CEP57: variants seen among roughly 807,000 people sequenced by gnomAD.
CEP57 encodes centrosomal protein 57.
Under a neutral mutation model 68.0 loss-of-function variants are expected in CEP57, and 40 were observed. The observed-to-expected ratio is 0.59, with a 90% confidence interval of 0.46 to 0.77. The LOEUF (loss-of-function observed/expected upper bound fraction) is 0.77. CEP57 is among the 30% of genes least tolerant of loss of function. The probability of loss-of-function intolerance (pLI) is 0.00; values close to 1 mark genes in which losing one functional copy is unlikely to be tolerated. For synonymous variants in CEP57, 219 were observed against 198.7 expected (o/e 1.10, Z -0.86); for missense variants, 606 against 580.7 (o/e 1.04, Z -0.45).
chr11:95,821,915 G>T lies in CEP57; in HGVS notation c.744G>T (p.Lys248Asn). The T allele has an allele frequency of 6.2e-7, 1 of 1,612,610 alleles. No homozygotes were observed. The stretch of plus-strand genomic sequence containing the variant: ...CAAATAGACTTATCTTTGAAGATAA[G>T]GCAACTCCGTGTGTTCCCAATGCAA... ...LETNRLIFED[K>N]ATPCVPNARR... Residue 248 changes from lysine to asparagine, a missense_variant, in exon 7 of 11, where the codon AAG becomes AAT. Coordinates refer to ENST00000325542, the MANE Select transcript of CEP57 (RefSeq NM_014679.5).
intron 2 of CEP57, among the ~76,000 whole-genome samples, chr11:95,812,239 T>C (rs928900567): frequency 2.6e-5 from 4 of 152,080 alleles, no homozygotes; most frequent in African/African-American, 9.7e-5. Context: ...TAGTTACTAA[T>C]ACATTTACTA....
At chr11:95,818,705 C>A in intron 5 of CEP57, 122 bp from the exon 6 acceptor site, 1 of 739,204 alleles carries the variant, frequency 1.4e-6, no homozygotes, top group Admixed American at 2.1e-5. Context: ...TCCATTACTA[C>A]AGTGATCTAA....
At chr11:95,823,339 C>T (rs1225365837) in intron 8 of CEP57, 3 of 152,096 alleles carry the variant, frequency 2.0e-5, no homozygotes, top group East Asian at 3.9e-4. Flanking sequence ...CAACATGAGT[C>T]CGAACTCTGT....
intron 8 of CEP57, among the ~76,000 whole-genome samples, chr11:95,824,476 C>G (rs985249263): frequency 9.9e-5 from 15 of 152,050 alleles, no homozygotes; most frequent in Admixed American, 5.9e-4. Context: ...GTATCTAAAG[C>G]TGGAGAATTT....
chr11:95,813,653 G>T (rs1371506470), intron 4 of CEP57, 64 bp downstream of exon 4: 1 of 1,595,452 alleles, frequency 6.3e-7, no homozygotes, highest in Non-Finnish European at 8.5e-7. Context: ...ATTGAATAAA[G>T]ACTTTTTTTC....
At chr11:95,819,965 A>G (rs1230864743) in intron 6 of CEP57, among the ~76,000 whole-genome samples, 1 of 152,116 alleles carries the variant, frequency 6.6e-6, no homozygotes, top group East Asian at 1.9e-4. Flanking sequence ...TTAATTTTTG[A>G]CCAACAAAAT....
chr11:95,825,481 C>T (rs971855254), intron 8 of CEP57, among the ~76,000 whole-genome samples: 7 of 152,178 alleles, frequency 4.6e-5, no homozygotes, highest in African/African-American at 1.7e-4. Flanking sequence ...GATAAGAGTG[C>T]TTTCAAACCA....
chr11:95,798,889 T>C (rs1162925743), intron 1 of CEP57, among the ~76,000 whole-genome samples: 1 of 152,240 alleles, frequency 6.6e-6, no homozygotes, highest in Non-Finnish European at 1.5e-5. Context: ...TTTCTGGTCC[T>C]GTAAAAATAA....
intron 2 of CEP57, among the ~76,000 whole-genome samples, chr11:95,799,592 A>G (rs1015394961): frequency 2.0e-5 from 3 of 152,188 alleles, no homozygotes; most frequent in African/African-American, 7.2e-5. Context: ...TGATGCTAAA[A>G]CACTTTGAGT....
At chr11:95,792,502 G>A (rs528730201) in intron 1 of CEP57, among the ~76,000 whole-genome samples, 268 of 152,272 alleles carry the variant, frequency 1.8e-3, no homozygotes, top group Middle Eastern at 0.014. Flanking sequence ...TTAAATAAAC[G>A]TTTAATTGAG....
chr11:95,814,687 A>C (rs891654769), intron 4 of CEP57, among the ~76,000 whole-genome samples: 1 of 151,498 alleles, frequency 6.6e-6, no homozygotes, highest in East Asian at 1.9e-4. Flanking sequence ...TTTAAAACTT[A>C]CTCCTTTTTC....
chr11:95,799,360 A>G lies in CEP57; in HGVS notation c.174A>G (p.Thr58=), dbSNP rs772710410. 7 of 1,614,038 alleles carry G rather than the reference A, an allele frequency of 4.3e-6. No homozygotes were observed. The highest frequency in any genetic ancestry group is 2.2e-5 in the East Asian group (1 of 44,880). ...SDLRRSPSKP[T]LAYPESNSRA... ...TACGACGCTCCCCAAGTAAGCCTACACTTGCCTATCCAGAAAGCAACAGCA... is the reference window on the plus strand; with the variant it reads ...TACGACGCTCCCCAAGTAAGCCTACGCTTGCCTATCCAGAAAGCAACAGCA... Residue 58 remains threonine, a synonymous_variant, in exon 2 of 11, where the codon ACA becomes ACG. Transcript: ENST00000325542.
At chr11:95,828,430 T>C (rs1862849304) in intron 9 of CEP57, among the ~76,000 whole-genome samples, 1 of 152,198 alleles carries the variant, frequency 6.6e-6, no homozygotes, top group African/African-American at 2.4e-5. Context: ...ACTCTACTAC[T>C]AAATACTATA....
intron 4 of CEP57, 38 bp downstream of exon 4, chr11:95,813,627 G>A (rs775670865): frequency 6.8e-6 from 11 of 1,609,674 alleles, no homozygotes; most frequent in South Asian, 2.2e-5. Flanking sequence ...CTCAAGAACA[G>A]TTATGGGGAA....
At chr11:95,791,908 G>GT (rs1227909359) in intron 1 of CEP57, among the ~76,000 whole-genome samples, 2 of 152,122 alleles carry the variant, frequency 1.3e-5, no homozygotes, top group Non-Finnish European at 2.9e-5. Flanking sequence ...GGAAACGTAG[G>GT]TAAAAACGTG....
At chr11:95,826,768 C>G (rs1038727106) in intron 8 of CEP57, 1 of 152,082 alleles carries the variant, frequency 6.6e-6, no homozygotes, top group Non-Finnish European at 1.5e-5. Flanking sequence ...AATTAGTATG[C>G]TAAATATATA....
intron 1 of CEP57, among the ~76,000 whole-genome samples, chr11:95,791,680 CAG>C (rs1861085846): frequency 6.6e-6 from 1 of 152,110 alleles, no homozygotes; most frequent in South Asian, 2.1e-4. Context: ...GAGTGATTAA[CAG>C]TGCTTGGGTA....
chr11:95,824,214 C>G (rs1005273169), intron 8 of CEP57, among the ~76,000 whole-genome samples: 2 of 151,828 alleles, frequency 1.3e-5, no homozygotes, highest in African/African-American at 2.4e-5. Context: ...CCACTGTACT[C>G]CAGCATAGGC....
At chr11:95,810,374 T>G (rs530507803) in intron 2 of CEP57, among the ~76,000 whole-genome samples, 3 of 152,162 alleles carry the variant, frequency 2.0e-5, no homozygotes, top group East Asian at 1.9e-4. Flanking sequence ...GAGAAAGAAA[T>G]AAAGGGTATT....
Sources: allele counts gnomAD v4.1 joint callset (sites outside exome capture counted in the v4.1 genomes callset), GRCh38; gene constraint gnomAD v4.1.1; transcripts MANE v1.5; gene names NCBI Gene and HGNC (gene_info 2026-07-23, HGNC 2026-07-21).